Variants in RHOU observed in about 807,000 individuals in gnomAD.
RHOU encodes ras homolog family member U, also known as rho-related GTP-binding protein RhoU.
A neutral mutation model predicts 12.6 loss-of-function variants in RHOU; 8 were observed. The observed-to-expected ratio is 0.64, with a 90% CI of 0.37 to 1.15. RHOU has a LOEUF of 1.15. Ranked by LOEUF, RHOU falls within the 50% of genes most tolerant of loss-of-function variation. RHOU has a pLI of 0.01. For synonymous variants in RHOU, 161 were observed against 147.4 expected (o/e 1.09, Z -0.67); for missense variants, 258 against 347.0 (o/e 0.74, Z 2.04).
At chr1:228,723,487 A>C in the RHOU span, among the ~76,000 whole-genome samples, 3 of 152,136 alleles carry the variant, frequency 2.0e-5, no homozygotes, top group Admixed American at 6.5e-5. Flanking sequence ...ATGATGTTCT[A>C]CACACGTGAG....
the RHOU span, among the ~76,000 whole-genome samples, chr1:228,694,574 T>C: frequency 0.012 from 1,768 of 152,308 alleles, 24 homozygotes; most frequent in African/African-American, 0.04. Context: ...CATGCAGTGT[T>C]TGGTTTTCTG....
At chr1:228,727,522 G>A in the RHOU span, among the ~76,000 whole-genome samples, 2 of 152,114 alleles carry the variant, frequency 1.3e-5, no homozygotes, top group East Asian at 3.9e-4. Context: ...TGTTGCCCAG[G>A]CTCGTTTCTT....
the RHOU span, among the ~76,000 whole-genome samples, chr1:228,666,069 C>A: frequency 6.6e-6 from 1 of 151,850 alleles, no homozygotes; most frequent in African/African-American, 2.4e-5. Flanking sequence ...GTGATCCCCC[C>A]ACCTGAGCCT....
chr1:228,707,790 G>A, the RHOU span, among the ~76,000 whole-genome samples: 1 of 152,142 alleles, frequency 6.6e-6, no homozygotes, highest in East Asian at 1.9e-4. Flanking sequence ...CACCAGCAAC[G>A]GAACAAAGCT....
chr1:228,724,871 T>A, the RHOU span, among the ~76,000 whole-genome samples: 1 of 152,188 alleles, frequency 6.6e-6, no homozygotes, highest in East Asian at 1.9e-4. Context: ...TCCACCCTTA[T>A]AGATAGTAAA....
chr1:228,727,567 A>C, the RHOU span, among the ~76,000 whole-genome samples: 1 of 152,190 alleles, frequency 6.6e-6, no homozygotes, highest in East Asian at 1.9e-4. Context: ...TGGCATTTGG[A>C]AGTCCATACA....
At chr1:228,670,039 C>G in the RHOU span, among the ~76,000 whole-genome samples, 3 of 152,164 alleles carry the variant, frequency 2.0e-5, no homozygotes, top group Non-Finnish European at 4.4e-5. Context: ...TGGCCTTGCT[C>G]TTGGCAATGG....
chr1:228,675,343 T>A, the RHOU span, among the ~76,000 whole-genome samples: 1 of 152,124 alleles, frequency 6.6e-6, no homozygotes, highest in African/African-American at 2.4e-5. Flanking sequence ...CCTTGAACTA[T>A]CTCCTCCTTC....
chr1:228,743,838 G>A lies in RHOU; in HGVS notation c.*98G>A. 2.0e-6 allele frequency: 2 copies of A among 984,718 alleles called. No individual in the cohort carries two copies. Among genetic ancestry groups the A allele is most frequent in the Non-Finnish European group, 3.0e-6 (2 of 665,224 alleles). 61.0% of individuals were successfully genotyped at this position (984,718 alleles called of 1,614,324 possible). ...CCTTTTACTGCGTAGAACCTATATC[G>A]AGAGTGTGTGTATATGTATTATAGG... On this transcript the variant is annotated 3_prime_UTR_variant, in exon 3 of 3. Transcript: ENST00000366691. The surrounding 1 kb of genome is among the most constrained non-coding windows in gnomAD (Gnocchi z 5.1).
At chr1:228,702,406 A>C in the RHOU span, among the ~76,000 whole-genome samples, 68 of 152,290 alleles carry the variant, frequency 4.5e-4, no homozygotes, top group Non-Finnish European at 8.1e-4. Flanking sequence ...TGGAGCATTC[A>C]GCCCTTCACA....
At chr1:228,712,916 T>A in the RHOU span, among the ~76,000 whole-genome samples, 1 of 151,868 alleles carries the variant, frequency 6.6e-6, no homozygotes, top group South Asian at 2.1e-4. Context: ...AATGTTGCCA[T>A]ATACTGCCAG....
At chr1:228,691,855 G>A in the RHOU span, among the ~76,000 whole-genome samples, 25 of 152,190 alleles carry the variant, frequency 1.6e-4, no homozygotes, top group Middle Eastern at 0.01. Flanking sequence ...CAAGGCAACC[G>A]TTTCAAACGT....
At chr1:228,699,096 G>T in the RHOU span, among the ~76,000 whole-genome samples, 9,510 of 119,000 alleles carry the variant, frequency 0.08, 720 homozygotes, top group African/African-American at 0.25. Flanking sequence ...TTTTTTTTTT[G>T]TTTTTTTTAA....
the RHOU span, among the ~76,000 whole-genome samples, chr1:228,698,247 T>C: frequency 6.6e-6 from 1 of 152,172 alleles, no homozygotes; most frequent in Non-Finnish European, 1.5e-5. Flanking sequence ...ATTAGGAAGA[T>C]AATACCAAGA....
the RHOU span, among the ~76,000 whole-genome samples, chr1:228,669,574 C>A: frequency 6.6e-6 from 1 of 152,112 alleles, no homozygotes; most frequent in Middle Eastern, 3.2e-3. Context: ...TAAGCCATGT[C>A]GCTGGTTAAG....
At chr1:228,650,331 C>A in the RHOU span, 1 of 464,968 alleles carries the variant, frequency 2.2e-6, no homozygotes, top group Non-Finnish European at 4.3e-6. Flanking sequence ...GCTGCCGGCC[C>A]TACCTGGCCT....
chr1:228,717,957 A>G, the RHOU span, among the ~76,000 whole-genome samples: 1 of 152,220 alleles, frequency 6.6e-6, no homozygotes, highest in Non-Finnish European at 1.5e-5. Context: ...TCTGAATATA[A>G]AGGATAGGAC....
chr1:228,685,226 G>A, the RHOU span, among the ~76,000 whole-genome samples: 13 of 152,308 alleles, frequency 8.5e-5, 1 homozygote, highest in African/African-American at 2.9e-4. Context: ...CTGTCAGCAA[G>A]GTCTTTATGA....
the RHOU span, among the ~76,000 whole-genome samples, chr1:228,692,981 C>T: frequency 6.6e-6 from 1 of 152,082 alleles, no homozygotes; most frequent in African/African-American, 2.4e-5. Context: ...GGACACCCAC[C>T]ATACACACTG....
Sources: allele counts gnomAD v4.1 joint callset (sites outside exome capture counted in the v4.1 genomes callset), GRCh38; gene constraint gnomAD v4.1.1; non-coding constraint Gnocchi (gnomAD v3.1); transcripts MANE v1.5; gene names NCBI Gene and HGNC (gene_info 2026-07-23, HGNC 2026-07-21).